BABAM2: variants seen among roughly 807,000 people sequenced by gnomAD.
BABAM2 encodes BRISC and BRCA1-A complex member 2.
Under a neutral mutation model 54.7 loss-of-function variants are expected in BABAM2, and 31 were observed. That is an observed-to-expected ratio of 0.57 (90% CI 0.43 to 0.77). BABAM2 has a LOEUF of 0.77. Ranked by LOEUF, BABAM2 falls within the 30% of genes least tolerant of loss-of-function variation. The pLI, the probability that BABAM2 is intolerant of heterozygous loss-of-function variation, is 0.00. For synonymous variants in BABAM2, 167 were observed against 162.9 expected (o/e 1.03, Z -0.19); for missense variants, 364 against 455.8 (o/e 0.80, Z 1.83).
chr2:28,313,279 GAGA>G (rs1167190232), intron 11 of BABAM2, among the ~76,000 whole-genome samples: 3 of 152,244 alleles, frequency 2.0e-5, no homozygotes, highest in African/African-American at 4.8e-5. Flanking sequence ...ATGGGCAAAA[GAGA>G]AGAAGGAGTA....
At chr2:28,264,251 A>G (rs1414765671) in intron 10 of BABAM2, among the ~76,000 whole-genome samples, 1 of 152,206 alleles carries the variant, frequency 6.6e-6, no homozygotes, top group Admixed American at 6.5e-5. Context: ...TCTTTATGCC[A>G]GATACCATAC....
chr2:27,928,205 A>G (rs1382612447), intron 2 of BABAM2, among the ~76,000 whole-genome samples: 2 of 152,014 alleles, frequency 1.3e-5, no homozygotes, highest in African/African-American at 2.4e-5. Flanking sequence ...TAGTGGAGAC[A>G]GGGTTTCACC....
intron 7 of BABAM2, among the ~76,000 whole-genome samples, chr2:28,141,985 C>A (rs1443976041): frequency 6.6e-6 from 1 of 152,054 alleles, no homozygotes; most frequent in Non-Finnish European, 1.5e-5. Context: ...TTCTTGATTA[C>A]AAGTTTGGTG....
At chr2:28,039,097 A>C (rs923418838) in intron 5 of BABAM2, among the ~76,000 whole-genome samples, 2 of 152,204 alleles carry the variant, frequency 1.3e-5, no homozygotes, top group Non-Finnish European at 2.9e-5. Context: ...TATAAGCTCC[A>C]AAAGGGCAGT....
At chr2:27,923,823 T>G (rs554753724) in intron 2 of BABAM2, among the ~76,000 whole-genome samples, 1 of 151,938 alleles carries the variant, frequency 6.6e-6, no homozygotes, top group African/African-American at 2.4e-5. Context: ...ATACAAAAAA[T>G]TAGCCAAGTG....
intron 5 of BABAM2, among the ~76,000 whole-genome samples, chr2:28,030,009 T>A (rs920303988): frequency 2.6e-5 from 4 of 152,244 alleles, no homozygotes; most frequent in Admixed American, 2.6e-4. Flanking sequence ...TCTTTAGTGC[T>A]GACAGGCTCA....
chr2:27,894,216 A>G (rs1044878325), intron 1 of BABAM2, among the ~76,000 whole-genome samples: 2 of 152,134 alleles, frequency 1.3e-5, no homozygotes, highest in Admixed American at 6.5e-5. Context: ...CAGCTAAGGT[A>G]GAACGAGTGA....
At chr2:28,121,395 G>A (rs138824913) in intron 6 of BABAM2, among the ~76,000 whole-genome samples, 2 of 152,292 alleles carry the variant, frequency 1.3e-5, no homozygotes, top group African/African-American at 4.8e-5. Flanking sequence ...TGAGACCAAG[G>A]TGTTACTTAT....
At chr2:28,242,606 C>A (rs1006821675) in intron 9 of BABAM2, among the ~76,000 whole-genome samples, 1 of 151,912 alleles carries the variant, frequency 6.6e-6, no homozygotes, top group Non-Finnish European at 1.5e-5. Context: ...TCTAGTAATA[C>A]AAAATTAAAA....
chr2:28,121,805 TA>T (rs1264932436), intron 6 of BABAM2, among the ~76,000 whole-genome samples: 4 of 152,126 alleles, frequency 2.6e-5, no homozygotes, highest in Non-Finnish European at 5.9e-5. Context: ...AAAACTTGAT[TA>T]AAAAAATCTA....
intron 4 of BABAM2, among the ~76,000 whole-genome samples, chr2:27,993,108 T>G (rs1672895607): frequency 6.6e-6 from 1 of 152,306 alleles, no homozygotes; most frequent in East Asian, 1.9e-4. Flanking sequence ...CTGCCTTGAT[T>G]TGCCCTGGAC....
intron 7 of BABAM2, among the ~76,000 whole-genome samples, chr2:28,188,010 T>G (rs539006168): frequency 6.6e-6 from 1 of 152,244 alleles, no homozygotes; most frequent in South Asian, 2.1e-4. Context: ...CTTTTGTCAT[T>G]TAAAAGGACT....
chr2:28,180,542 G>A lies in BABAM2; in HGVS notation c.680+51162G>A, dbSNP rs561455085. Among the ~76,000 whole-genome samples the A allele has an allele frequency of 5.9e-5, 9 of 152,180 alleles. No individual in the cohort carries two copies. In the South Asian group the frequency reaches 1.9e-3, roughly 32 times the overall value. On this transcript the variant is annotated intron_variant, in intron 7 of 11. Coordinates refer to ENST00000379624, the MANE Select transcript of BABAM2 (RefSeq NM_199191.3). Reference sequence around the variant, plus strand: ...AGAAAACGTAGAGCAAATGCTACAGGACATTGGTTTAGGCAAAGATTTTAA... The same window carrying A: ...AGAAAACGTAGAGCAAATGCTACAGAACATTGGTTTAGGCAAAGATTTTAA...
At chr2:28,131,709 A>G (rs564613077) in intron 7 of BABAM2, among the ~76,000 whole-genome samples, 31 of 152,320 alleles carry the variant, frequency 2.0e-4, no homozygotes, top group Admixed American at 7.2e-4. Context: ...TACAGTTCAT[A>G]GGAGAAGAAC....
intron 7 of BABAM2, among the ~76,000 whole-genome samples, chr2:28,211,886 T>C (rs1345699610): frequency 6.6e-6 from 1 of 152,222 alleles, no homozygotes; most frequent in Non-Finnish European, 1.5e-5. Context: ...TTTAACTCAG[T>C]CTACATTTAG....
chr2:27,945,146 A>G (rs899502715), intron 3 of BABAM2, among the ~76,000 whole-genome samples: 1 of 151,884 alleles, frequency 6.6e-6, no homozygotes, highest in South Asian at 2.1e-4. Context: ...CAGCCTCCCA[A>G]ATAGCTGGGA....
chr2:28,047,994 T>A (rs996692328), intron 6 of BABAM2, among the ~76,000 whole-genome samples: 1 of 152,246 alleles, frequency 6.6e-6, no homozygotes, highest in Non-Finnish European at 1.5e-5. Context: ...GGAGCTGCTT[T>A]ACATATTATT....
intron 6 of BABAM2, among the ~76,000 whole-genome samples, chr2:28,048,592 T>C (rs891153619): frequency 6.6e-6 from 1 of 152,190 alleles, no homozygotes; most frequent in Non-Finnish European, 1.5e-5. Context: ...CAAATCCTCT[T>C]CTTCTGTGGT....
At chr2:28,025,522 T>C in intron 5 of BABAM2, 102 bp downstream of exon 5, 1 of 1,149,310 alleles carries the variant, frequency 8.7e-7, no homozygotes, top group Non-Finnish European at 1.2e-6. Flanking sequence ...TAGATAAACA[T>C]GGTCCAGGTA....
Sources: allele counts gnomAD v4.1 joint callset (sites outside exome capture counted in the v4.1 genomes callset), GRCh38; gene constraint gnomAD v4.1.1; transcripts MANE v1.5; gene names NCBI Gene and HGNC (gene_info 2026-07-23, HGNC 2026-07-21).